Variants in MYT1 observed in about 807,000 individuals in gnomAD.
The protein encoded by MYT1 is myelin transcription factor I.
In MYT1, 23 loss-of-function variants were observed where a neutral mutation model predicts 123.0. That is an observed-to-expected ratio of 0.19 (90% CI 0.13 to 0.26). The LOEUF (loss-of-function observed/expected upper bound fraction) is 0.26, where lower values mean the gene tolerates loss of function less well. Among genes scored for constraint, MYT1 ranks in the 10% least tolerant of loss-of-function variants. The pLI, the probability that MYT1 is intolerant of heterozygous loss-of-function variation, is 1.00. For synonymous variants in MYT1, 518 were observed against 575.3 expected, an observed-to-expected ratio of 0.90 and a Z score of 1.43; for missense variants, 1,125 against 1,472.5, an observed-to-expected ratio of 0.76 and a Z score of 3.86.
chr20:64,207,645 C>T lies in MYT1; in HGVS notation c.449C>T (p.Thr150Ile), dbSNP rs755153016. 9 of 1,613,894 alleles carry T rather than the reference C, an allele frequency of 5.6e-6. No homozygotes were observed. In the South Asian group the frequency reaches 6.6e-5, roughly 12 times the overall value. The change falls in exon 7 of 23, where the codon ACT (threonine) becomes ATT (isoleucine). Residue 150 changes from threonine (T) to isoleucine (I), a missense_variant. Thr to Ile is a moderately conservative substitution (Grantham distance 89). Coordinates refer to ENST00000328439, the MANE Select transcript of MYT1 (RefSeq NM_004535.3). ...HFGSNPIGSA[T>I]ASSKGSYSSY... ...GGATCCAACCCCATCGGCAGCGCCA[C>T]TGCCTCCTCCAAGGGCAGCTACAGC...
At chr20:64,183,199 A>G (rs891316447) in intron 1 of MYT1, among the ~76,000 whole-genome samples, 1 of 152,190 alleles carries the variant, frequency 6.6e-6, no homozygotes, top group Non-Finnish European at 1.5e-5. Flanking sequence ...ATTCACCCAC[A>G]TTGTTGCATG....
At chr20:64,178,341 C>T (rs1305166223) in intron 1 of MYT1, among the ~76,000 whole-genome samples, 4 of 152,262 alleles carry the variant, frequency 2.6e-5, no homozygotes, top group African/African-American at 9.6e-5. Flanking sequence ...ACCTTCTCGG[C>T]CATCTGGTCC....
chr20:64,190,535 A>G lies in MYT1; in HGVS notation c.-1+375A>G, dbSNP rs1982935219. Among the ~76,000 whole-genome samples, 1 of 148,810 alleles carries G rather than the reference A, an allele frequency of 6.7e-6. No homozygotes were observed. Among genetic ancestry groups the G allele is most frequent in the Admixed American group, 6.7e-5 (1 of 14,820 alleles). On this transcript the variant is annotated intron_variant, in intron 2 of 22. Transcript: ENST00000328439. The surrounding 1 kb of genome is among the most constrained non-coding windows in gnomAD (Gnocchi z 4.1). ...CTAAAAACACAAAAATTAGCCGGGC[A>G]TGGTGGCATGCGCCTGTAATCCCAG...
At position 64,205,636 on chromosome 20, in the gene MYT1, C is replaced by A; in HGVS notation, c.233C>A (p.Pro78His). The change falls in exon 6 of 23, where the codon CCC (proline) becomes CAC (histidine). Residue 78 changes from proline to histidine, a missense_variant. By Grantham distance (77) the Pro-to-His change is moderately conservative (BLOSUM62 -2). Coordinates refer to ENST00000328439, the MANE Select transcript of MYT1 (RefSeq NM_004535.3). ...CTGGTGTCCAAGAGGAAGTCACACC[C>A]CCTGAAGCTGGCTCTGGACGAGGGC... ...EHLVSKRKSHPLKLALDEGYG... is the reference protein window; with the variant it reads ...EHLVSKRKSHHLKLALDEGYG... 1 of 1,614,196 alleles carries A rather than the reference C, an allele frequency of 6.2e-7. No homozygotes were observed. The highest frequency in any genetic ancestry group is 1.3e-5 in the African/African-American group (1 of 75,058).
intron 18 of MYT1, chr20:64,228,203 T>G: frequency 1.8e-6 from 1 of 545,420 alleles, no homozygotes; most frequent in Non-Finnish European, 3.2e-6. Context: ...GGGTGCCAGA[T>G]TTTCTGGGCT....
intron 4 of MYT1, among the ~76,000 whole-genome samples, chr20:64,201,360 A>G (rs985168006): frequency 6.6e-6 from 1 of 152,214 alleles, no homozygotes. Context: ...CTCAACTGAC[A>G]TATTTGGTAA....
intron 1 of MYT1, among the ~76,000 whole-genome samples, chr20:64,182,196 G>A (rs142257574): frequency 7.7e-4 from 117 of 152,350 alleles, no homozygotes; most frequent in Non-Finnish European, 1.4e-3. Context: ...ATGGCAAGAT[G>A]TAAGTTTATA....
In MYT1 at chr20:64,189,601, C is replaced by T. The variant is rs1045996674; in HGVS notation, c.-98-462C>T. Among the ~76,000 whole-genome samples, 5 of 152,166 alleles carry T rather than the reference C, an allele frequency of 3.3e-5. No homozygotes were observed. The highest frequency in any genetic ancestry group is 2.1e-4 in the South Asian group (1 of 4,832). ...TTCAATCAATGGGCTCCAGAGAAGTCGTGCAAAACAATCTTCTTTTTCAAA... is the reference window on the plus strand; with the variant it reads ...TTCAATCAATGGGCTCCAGAGAAGTTGTGCAAAACAATCTTCTTTTTCAAA... On this transcript the variant is annotated intron_variant, in intron 1 of 22. Coordinates refer to ENST00000328439, the MANE Select transcript of MYT1 (RefSeq NM_004535.3). This position sits in a 1 kb window ranked among gnomAD's most constrained non-coding sequence, Gnocchi z 5.5.
chr20:64,241,906 A>G lies in MYT1; in HGVS notation c.*1458A>G, dbSNP rs1025844237. ...TTCCCTTGGTCTAATGGAGAGAAAG[A>G]CATTTTGGTTTTCTTTTTCCATTTT... On this transcript the variant is annotated 3_prime_UTR_variant, in exon 23 of 23. Transcript: ENST00000328439. The surrounding 1 kb of genome is among the most constrained non-coding windows in gnomAD (Gnocchi z 4.2). 1.3e-5 allele frequency: 2 copies of G among 152,450 alleles called. No individual in the cohort carries two copies. The highest frequency in any genetic ancestry group is 4.8e-5 in the African/African-American group (2 of 41,446). The allele number at this position is 152,450 out of a possible 1,614,324, so 9.4% of individuals were successfully genotyped here.
At chr20:64,177,249 A>T (rs1243774312) in intron 1 of MYT1, among the ~76,000 whole-genome samples, 1 of 152,124 alleles carries the variant, frequency 6.6e-6, no homozygotes, top group Non-Finnish European at 1.5e-5. Flanking sequence ...GAAATGTGCA[A>T]AGCTATAGAA....
At position 64,171,084 on chromosome 20, in the gene MYT1, ATTT is replaced by A. The variant is rs71197460; in HGVS notation, c.-99+6357_-99+6359del. ...GCCACCAAGTCTGGCTAATTTTTGT[ATTT>A]TTTTTTTTTTTAACAGAGATGGGGT... On this transcript the variant is annotated intron_variant, in intron 1 of 22. Transcript: ENST00000328439. Among the ~76,000 whole-genome samples, 604 of 143,768 alleles carry A rather than the reference ATTT, an allele frequency of 4.2e-3. 5 individuals carry two copies. Among genetic ancestry groups the A allele is most frequent in the African/African-American group, 0.015 (576 of 38,876 alleles). The allele number at this position is 143,768 out of a possible 152,430, so 94.3% of individuals were successfully genotyped here. A position where few individuals can be genotyped will look rare whatever the true frequency, so the allele number is the denominator to read the frequency against.
chr20:64,188,034 C>T (rs1428687161), intron 1 of MYT1, among the ~76,000 whole-genome samples: 1 of 152,186 alleles, frequency 6.6e-6, no homozygotes, highest in African/African-American at 2.4e-5. Flanking sequence ...GGCCTCAGGA[C>T]TTCAGAGCCC....
Position 64,213,429 on chromosome 20 carries a change from T to C in MYT1, c.1518-105T>C. On this transcript the variant is annotated intron_variant, in intron 9 of 22. Coordinates refer to ENST00000328439, the MANE Select transcript of MYT1 (RefSeq NM_004535.3). The surrounding 1 kb of genome is among the most constrained non-coding windows in gnomAD (Gnocchi z 5.6). ...CTTCTCTGGAGTTCACCTGGAGTTC[T>C]CACATCTGAATGACCTTGCCGTGAG... 2 of 794,190 alleles carry C rather than the reference T, an allele frequency of 2.5e-6. No homozygotes were observed. Among genetic ancestry groups the C allele is most frequent in the Non-Finnish European group, 2.1e-6 (1 of 476,100 alleles). The allele number at this position is 794,190 out of a possible 1,614,324, so 49.2% of individuals were successfully genotyped here.
chr20:64,188,248 C>T (rs1982869153), intron 1 of MYT1, among the ~76,000 whole-genome samples: 1 of 152,220 alleles, frequency 6.6e-6, no homozygotes, highest in Non-Finnish European at 1.5e-5. Flanking sequence ...GCAGGAGAGA[C>T]TCAGCGCAGA....
rs1432561624 is a variant in MYT1 at position 64,240,322 on chromosome 20, G to A, written c.3240G>A (p.Glu1080=). The A allele has an allele frequency of 5.0e-6, 8 of 1,613,690 alleles. No individual in the cohort carries two copies. The highest frequency in any genetic ancestry group is 6.8e-6 in the Non-Finnish European group (8 of 1,179,858). Reference sequence around the variant, plus strand: ...GCTAACCTGGTTCTGTTCTCTAGGAGCCAATATGCGAACAGAATTTCGATG... The same window carrying A: ...GCTAACCTGGTTCTGTTCTCTAGGAACCAATATGCGAACAGAATTTCGATG... The part of the protein sequence containing the change: ...SLANIRLPHM[E]PICEQNFDAY... Residue 1080 remains glutamate (E), a splice_region_variant and synonymous_variant, in exon 23 of 23, where the codon GAG becomes GAA. Coordinates refer to ENST00000328439, the MANE Select transcript of MYT1 (RefSeq NM_004535.3).
chr20:64,200,232 C>T (rs552425258), intron 4 of MYT1, among the ~76,000 whole-genome samples: 9 of 152,298 alleles, frequency 5.9e-5, no homozygotes, highest in South Asian at 2.1e-4. Flanking sequence ...GAAAACAAGC[C>T]GCTCTCTTAC....
chr20:64,210,740 G>A lies in MYT1; in HGVS notation c.1292-466G>A, dbSNP rs1407300893. Among the ~76,000 whole-genome samples, 6 of 152,350 alleles carry A rather than the reference G, an allele frequency of 3.9e-5. No homozygotes were observed. The South Asian group carries it at 1.2e-3, about 32-fold the overall frequency. ...AGAAGAGGTCGATAACTGAGATTTG[G>A]GTTTACATTTCTGCCCAGGCATAGA... is the stretch of plus-strand genomic sequence containing the variant. On this transcript the variant is annotated intron_variant, in intron 7 of 22. Coordinates refer to ENST00000328439, the MANE Select transcript of MYT1 (RefSeq NM_004535.3).
chr20:64,169,729 T>C (rs79751488), intron 1 of MYT1, among the ~76,000 whole-genome samples: 4,269 of 152,268 alleles, frequency 0.028, 175 homozygotes, highest in African/African-American at 0.094. Context: ...ATTATTTTCA[T>C]TGAGACTGGG....
rs1601711053 is a variant in MYT1 at position 64,202,351 on chromosome 20, C to G, written c.86+2429C>G. 1.3e-5 allele frequency among the ~76,000 whole-genome samples: 2 copies of G among 152,142 alleles called. No homozygotes were observed. The highest frequency in any genetic ancestry group is 2.1e-4 in the South Asian group (1 of 4,832). On this transcript the variant is annotated intron_variant, in intron 4 of 22. Transcript: ENST00000328439. This position sits in a 1 kb window ranked among gnomAD's most constrained non-coding sequence, Gnocchi z 5.0. ...CCCATCGGGAGAACTGATGACGTTT[C>G]AGCTTGTATTTTTGCCTGGGTCCAT...
Sources: allele counts gnomAD v4.1 joint callset (sites outside exome capture counted in the v4.1 genomes callset), GRCh38; gene constraint gnomAD v4.1.1; non-coding constraint Gnocchi (gnomAD v3.1); transcripts MANE v1.5; gene names NCBI Gene and HGNC (gene_info 2026-07-23, HGNC 2026-07-21).